Variants in DIAPH2 observed in about 807,000 individuals in gnomAD.
The protein encoded by DIAPH2 is diaphanous related formin 2, also known as protein diaphanous homolog 2.
In DIAPH2, 35 loss-of-function variants were observed where a neutral mutation model predicts 92.7. The observed-to-expected ratio is 0.38, with a 90% CI of 0.29 to 0.50. The LOEUF (loss-of-function observed/expected upper bound fraction) is 0.50, where lower values mean the gene tolerates loss of function less well. Among genes scored for constraint, DIAPH2 ranks in the 20% least tolerant of loss-of-function variants. DIAPH2 has a pLI of 0.94. For missense variants in DIAPH2, 701 were observed against 819.5 expected, an observed-to-expected ratio of 0.86 and a Z score of 1.77; for synonymous variants, 301 against 280.4, an observed-to-expected ratio of 1.07 and a Z score of -0.73.
chrX:96,732,029 C>CT (rs891264085), intron 1 of DIAPH2, among the ~76,000 whole-genome samples: 8 of 110,648 alleles, frequency 7.2e-5, no homozygotes, highest in South Asian at 3.8e-4. Context: ...TTGTTTCTGA[C>CT]TTTTTTTAAC....
chrX:96,812,456 C>T lies in DIAPH2; in HGVS notation c.447+54198C>T, dbSNP rs535111655. Among the ~76,000 whole-genome samples, 36 of 111,270 alleles carry T rather than the reference C, an allele frequency of 3.2e-4. No individual in the cohort carries two copies. In the South Asian group the frequency reaches 0.014, roughly 42 times the overall value. On this transcript the variant is annotated intron_variant, in intron 4 of 26. Coordinates refer to ENST00000324765, the MANE Select transcript of DIAPH2 (RefSeq NM_006729.5). ...CTAGTGGTCTATCAGTTTTGTTGATCTTTTCAAAAACCATCTCTTGGATTC... is the reference window on the plus strand; with the variant it reads ...CTAGTGGTCTATCAGTTTTGTTGATTTTTTCAAAAACCATCTCTTGGATTC...
intron 26 of DIAPH2, among the ~76,000 whole-genome samples, chrX:97,438,353 TTG>T: frequency 9.1e-5 from 8 of 87,732 alleles, no homozygotes; most frequent in Non-Finnish European, 1.6e-4. Flanking sequence ...TTTTTTTTGT[TTG>T]TTTGTTTTTT....
intron 4 of DIAPH2, among the ~76,000 whole-genome samples, chrX:96,854,180 C>G (rs1190559329): frequency 9.1e-6 from 1 of 110,308 alleles, no homozygotes; most frequent in Non-Finnish European, 1.9e-5. Context: ...TATTTTACAT[C>G]GCAATGGAAA....
chrX:97,225,678 T>G (rs771525638), intron 22 of DIAPH2, among the ~76,000 whole-genome samples: 2 of 111,697 alleles, frequency 1.8e-5, no homozygotes, highest in African/African-American at 3.2e-5. Flanking sequence ...ATGGACCTAT[T>G]GGGTGTTTAT....
At chrX:97,112,765 C>CTTTTTTTTTTTT (rs60721723) in intron 20 of DIAPH2, among the ~76,000 whole-genome samples, 12 of 37,243 alleles carry the variant, frequency 3.2e-4, no homozygotes, top group African/African-American at 1.3e-3. Flanking sequence ...CCCTTTCTTT[C>CTTTTTTTTTTTT]TTTTTTTTTT....
chrX:97,158,058 G>T (rs1195890465), intron 22 of DIAPH2, among the ~76,000 whole-genome samples: 1 of 111,662 alleles, frequency 9.0e-6, no homozygotes, highest in Non-Finnish European at 1.9e-5. Flanking sequence ...TATATCAAAA[G>T]AAGTAAACAG....
intron 26 of DIAPH2, among the ~76,000 whole-genome samples, chrX:97,463,281 T>G (rs2070476154): frequency 9.1e-6 from 1 of 109,328 alleles, no homozygotes; most frequent in Non-Finnish European, 1.9e-5. Flanking sequence ...ATCCTTTTTT[T>G]TTTTTTTTTG....
intron 24 of DIAPH2, among the ~76,000 whole-genome samples, chrX:97,363,235 C>G (rs1305913342): frequency 8.9e-6 from 1 of 112,130 alleles, no homozygotes. Context: ...GAGGAAACAC[C>G]TGAGAAGAAA....
chrX:97,267,225 A>G (rs1223467447), intron 23 of DIAPH2, among the ~76,000 whole-genome samples: 1 of 111,784 alleles, frequency 8.9e-6, no homozygotes, highest in Non-Finnish European at 1.9e-5. Context: ...ATCTGCAAAA[A>G]GTTTCTGAGT....
Position 97,129,951 on chromosome X carries a change from T to C in DIAPH2, c.2590-11714T>C, listed in dbSNP as rs779479115. Among the ~76,000 whole-genome samples, 7 of 111,704 alleles carry C rather than the reference T, an allele frequency of 6.3e-5. No individual in the cohort carries two copies. The South Asian group carries it at 2.6e-3, about 42-fold the overall frequency. On this transcript the variant is annotated intron_variant, in intron 21 of 26. Coordinates refer to ENST00000324765, the MANE Select transcript of DIAPH2 (RefSeq NM_006729.5). ...TCAGTTCAAAAATGGGTAAACAAATTGAATAAATATTTCTCCAGAGAAGAT... is the reference window on the plus strand; with the variant it reads ...TCAGTTCAAAAATGGGTAAACAAATCGAATAAATATTTCTCCAGAGAAGAT...
intron 22 of DIAPH2, among the ~76,000 whole-genome samples, chrX:97,201,852 A>G (rs902133497): frequency 1.1e-4 from 12 of 111,075 alleles, no homozygotes; most frequent in African/African-American, 3.9e-4. Flanking sequence ...GTCAACCCCA[A>G]GACAAATAAT....
At chrX:96,923,115 C>T (rs749388370) in intron 9 of DIAPH2, among the ~76,000 whole-genome samples, 3 of 111,437 alleles carry the variant, frequency 2.7e-5, no homozygotes, top group Admixed American at 9.6e-5. Context: ...GTTTATAGAA[C>T]GGGAAAGTAG....
At chrX:96,746,572 G>C (rs1345507653) in intron 3 of DIAPH2, among the ~76,000 whole-genome samples, 1 of 108,663 alleles carries the variant, frequency 9.2e-6, no homozygotes, top group Non-Finnish European at 1.9e-5. Flanking sequence ...TTGTTTTTTC[G>C]AGATGGAGTC....
chrX:96,921,712 T>TTC (rs1401982789), intron 9 of DIAPH2, among the ~76,000 whole-genome samples: 2 of 108,285 alleles, frequency 1.8e-5, no homozygotes, highest in Non-Finnish European at 3.8e-5. Context: ...TTTTTTTTTT[T>TTC]CTGTCTTCCT....
chrX:97,285,383 C>CAAAA (rs11336007), intron 23 of DIAPH2, among the ~76,000 whole-genome samples: 37 of 38,106 alleles, frequency 9.7e-4, no homozygotes, highest in East Asian at 2.5e-3. Flanking sequence ...ACTAAAAATA[C>CAAAA]AAAAAAAAAA....
intron 20 of DIAPH2, among the ~76,000 whole-genome samples, chrX:97,110,437 T>C (rs1242764780): frequency 8.9e-6 from 1 of 111,782 alleles, no homozygotes; most frequent in Non-Finnish European, 1.9e-5. Flanking sequence ...CATTTTATTA[T>C]TTTTTAGAGG....
At chrX:96,786,508 G>A (rs1251134169) in intron 4 of DIAPH2, among the ~76,000 whole-genome samples, 1 of 112,199 alleles carries the variant, frequency 8.9e-6, no homozygotes, top group Non-Finnish European at 1.9e-5. Flanking sequence ...GATAACAGAT[G>A]TATTTAGATC....
chrX:96,992,680 G>A (rs953679815), intron 17 of DIAPH2, among the ~76,000 whole-genome samples: 13 of 112,316 alleles, frequency 1.2e-4, no homozygotes, highest in African/African-American at 4.2e-4. Flanking sequence ...CAGGCAATGT[G>A]CCTTTGCTTT....
rs2147890699 is a variant in DIAPH2 at position 97,599,408 on chromosome X, G to GAAAT, written c.*94_*97dup. On this transcript the variant is annotated 3_prime_UTR_variant, in exon 27 of 27. Transcript: ENST00000324765. ...AAGTGTGCACTCAGCGGCTGGAAAG[G>GAAAT]AAATAAGTGCATTTCTGCAAAGATC... 1 of 585,109 alleles carries GAAAT rather than the reference G, an allele frequency of 1.7e-6. No homozygotes were observed. The highest frequency in any genetic ancestry group is 4.4e-5 in the East Asian group (1 of 22,717). The allele number at this position is 585,109 out of a possible 1,213,427, so 48.2% of individuals were successfully genotyped here.
Sources: gnomAD v4.1 joint callset for allele counts (sites outside exome capture counted in the v4.1 genomes callset) on GRCh38, gnomAD v4.1.1 for gene constraint, MANE v1.5 for transcripts, NCBI Gene and HGNC (gene_info 2026-07-23, HGNC 2026-07-21) for gene names.